Variants in H3-3A observed in about 807,000 individuals in gnomAD.
H3-3A encodes H3.3 histone A.
For missense variants in H3-3A, 7 were observed against 184.0 expected, an observed-to-expected ratio of 0.04 and a Z score of 5.57; for synonymous variants, 49 against 61.4, an observed-to-expected ratio of 0.80 and a Z score of 0.95.
rs1205926242 is a variant in H3-3A, at chr1:226,071,666, TTG to T, written c.*194_*195del. On this transcript the variant is annotated 3_prime_UTR_variant, in exon 4 of 4. Coordinates refer to ENST00000366815, the MANE Select transcript of H3-3A (RefSeq NM_002107.7). ...GTATTGGCAGTTTTTCCATTTTCATTTGTGTGTGAATTTTTAATATAAATGCG... is the reference window on the plus strand; with the variant it reads ...GTATTGGCAGTTTTTCCATTTTCATTTGTGTGAATTTTTAATATAAATGCG... The T allele has an allele frequency of 7.0e-5, 25 of 359,348 alleles. No individual in the cohort carries two copies. Among genetic ancestry groups the T allele is most frequent in the Non-Finnish European group, 1.1e-4 (22 of 207,288 alleles). The allele number at this position is 359,348 out of a possible 1,614,324, so 22.3% of individuals were successfully genotyped here. A position where few individuals can be genotyped will look rare whatever the true frequency, so the allele number is the denominator to read the frequency against.
At chr1:226,068,654 G>A (rs985406304) in intron 3 of H3-3A, among the ~76,000 whole-genome samples, 3 of 152,264 alleles carry the variant, frequency 2.0e-5, no homozygotes, top group East Asian at 3.9e-4. Context: ...GGTAAGATGC[G>A]AGGGACTACT....
intron 1 of H3-3A, among the ~76,000 whole-genome samples, chr1:226,063,291 T>C (rs887638547): frequency 1.3e-5 from 2 of 152,106 alleles, no homozygotes; most frequent in South Asian, 2.1e-4. Context: ...TTGTCTCTCT[T>C]CTCTGGTCAC....
At chr1:226,068,718 G>A (rs1658002401) in intron 3 of H3-3A, among the ~76,000 whole-genome samples, 1 of 152,152 alleles carries the variant, frequency 6.6e-6, no homozygotes, top group Admixed American at 6.5e-5. Context: ...ATCTACTTGA[G>A]GACAAGGCAT....
upstream of H3-3A, chr1:226,062,583 G>A (rs1299683489): frequency 2.7e-5 from 4 of 149,592 alleles, no homozygotes; most frequent in East Asian, 4.0e-4. Flanking sequence ...GCGCGCGGGG[G>A]GAAGGGCGGG....
At chr1:226,063,681 C>A (rs34485485) in intron 1 of H3-3A, among the ~76,000 whole-genome samples, 2,300 of 152,106 alleles carry the variant, frequency 0.015, 28 homozygotes, top group Non-Finnish European at 0.023. Context: ...CGGCGGATGT[C>A]GTGCGTTAAT....
chr1:226,069,132 C>G (rs538453271), intron 3 of H3-3A, among the ~76,000 whole-genome samples: 1 of 151,770 alleles, frequency 6.6e-6, no homozygotes, highest in Admixed American at 6.6e-5. Flanking sequence ...CTGCAGCCTC[C>G]GCCTCCCGGG....
intron 3 of H3-3A, among the ~76,000 whole-genome samples, chr1:226,069,049 C>CTTTT (rs71574557): frequency 7.1e-6 from 1 of 141,638 alleles, no homozygotes; most frequent in Non-Finnish European, 1.5e-5. Flanking sequence ...GTGAAAGTAC[C>CTTTT]TTTTTTTTTT....
chr1:226,064,199 A>G lies in H3-3A; in HGVS notation c.-23-130A>G, dbSNP rs1303185474. The G allele has an allele frequency of 4.7e-6, 3 of 643,492 alleles. No homozygotes were observed. In the South Asian group the frequency reaches 6.4e-5, roughly 14 times the overall value. The allele number at this position is 643,492 out of a possible 1,614,324, so 39.9% of individuals were successfully genotyped here. On this transcript the variant is annotated intron_variant, in intron 1 of 3. Coordinates refer to ENST00000366815, the MANE Select transcript of H3-3A (RefSeq NM_002107.7). ...GACGTAATCTTCACCCTTTCAAATT[A>G]TATAACAATACGAACATTATTTTTT...
chr1:226,069,905 A>G (rs993735669), intron 3 of H3-3A, among the ~76,000 whole-genome samples: 15 of 152,254 alleles, frequency 9.9e-5, no homozygotes, highest in African/African-American at 3.4e-4. Context: ...TCAGACAGCT[A>G]TAAGTATACT....
At chr1:226,068,540 G>A (rs1657998006) in intron 3 of H3-3A, among the ~76,000 whole-genome samples, 2 of 152,148 alleles carry the variant, frequency 1.3e-5, no homozygotes, top group South Asian at 2.1e-4. Context: ...CCCCTAAGGA[G>A]GCTACAATAT....
At chr1:226,069,342 A>G (rs1658026437) in intron 3 of H3-3A, among the ~76,000 whole-genome samples, 1 of 151,702 alleles carries the variant, frequency 6.6e-6, no homozygotes. Flanking sequence ...CCACCACGGC[A>G]CCTGGTCTGG....
intron 3 of H3-3A, chr1:226,067,132 TAAAG>T (rs1657953102): frequency 1.3e-5 from 2 of 152,364 alleles, no homozygotes; most frequent in Middle Eastern, 6.8e-3. Flanking sequence ...GAACTGTGCT[TAAAG>T]AACAATACTG....
At chr1:226,065,854 G>T in intron 3 of H3-3A, 45 bp downstream of exon 3, 1 of 1,438,448 alleles carries the variant, frequency 7.0e-7, no homozygotes. Flanking sequence ...TTCCTGTTGT[G>T]TACCAAGAAC....
Position 226,062,782 on chromosome 1 carries a change from T to C in H3-3A, c.-53T>C. On this transcript the variant is annotated 5_prime_UTR_variant, in exon 1 of 4. Coordinates refer to ENST00000366815, the MANE Select transcript of H3-3A (RefSeq NM_002107.7). ...CTCCAACGCCAGCGCCGCCTCTCGC[T>C]CGCCGAGCTCCAGCCGAAGGAGAAG... The C allele has an allele frequency of 5.9e-6, 1 of 169,318 alleles. No homozygotes were observed. The allele number at this position is 169,318 out of a possible 1,614,324, so 10.5% of individuals were successfully genotyped here. A position where few individuals can be genotyped will look rare whatever the true frequency, so the allele number is the denominator to read the frequency against.
intron 3 of H3-3A, among the ~76,000 whole-genome samples, chr1:226,069,327 G>A (rs1158463513): frequency 6.6e-6 from 1 of 152,040 alleles, no homozygotes. Context: ...GATTACAGGC[G>A]TGAGCCACCA....
In H3-3A at chr1:226,062,807, G is replaced by A. The variant is rs544930074; in HGVS notation, c.-28G>A. Reference sequence around the variant, plus strand: ...TCGCCGAGCTCCAGCCGAAGGAGAAGGGGGGTAAGTTTCCCCGTCTGCCCG... The same window carrying A: ...TCGCCGAGCTCCAGCCGAAGGAGAAAGGGGGTAAGTTTCCCCGTCTGCCCG... On this transcript the variant is annotated 5_prime_UTR_variant, in exon 1 of 4. Transcript: ENST00000366815. 1.3e-4 allele frequency: 21 copies of A among 165,950 alleles called. 2 individuals carry two copies. The highest frequency in any genetic ancestry group is 2.0e-4 in the Non-Finnish European group (14 of 70,748). The allele number at this position is 165,950 out of a possible 1,614,324, so 10.3% of individuals were successfully genotyped here.
At chr1:226,070,065 A>G (rs954521542) in intron 3 of H3-3A, among the ~76,000 whole-genome samples, 1 of 152,188 alleles carries the variant, frequency 6.6e-6, no homozygotes, top group Non-Finnish European at 1.5e-5. Context: ...AATGGGAAAA[A>G]CCAGAGAAAT....
intron 2 of H3-3A, 89 bp downstream of exon 2, chr1:226,064,568 T>C (rs1037883745): frequency 1.7e-6 from 2 of 1,172,242 alleles, no homozygotes; most frequent in African/African-American, 3.1e-5. Flanking sequence ...GGAAAACTTT[T>C]TGCTTTAGAG....
chr1:226,062,032 T>A (rs1375384842), upstream of H3-3A: 1 of 152,130 alleles, frequency 6.6e-6, no homozygotes, highest in Non-Finnish European at 1.5e-5. Flanking sequence ...CGGCCGCACT[T>A]GGCCGAGCGC....
Sources: gnomAD v4.1 joint callset for allele counts (sites outside exome capture counted in the v4.1 genomes callset) on GRCh38, gnomAD v4.1.1 for gene constraint, MANE v1.5 for transcripts, NCBI Gene and HGNC (gene_info 2026-07-23, HGNC 2026-07-21) for gene names.